The following SRP9 variants were observed in gnomAD, a reference collection of about 807,000 sequenced individuals.
SRP9 encodes the protein signal recognition particle 9.
A neutral mutation model predicts 11.7 loss-of-function variants in SRP9; 2 were observed. That is an observed-to-expected ratio of 0.17 (90% CI 0.07 to 0.54). The LOEUF is 0.54. Ranked by LOEUF, SRP9 falls within the 20% of genes least tolerant of loss-of-function variation. The pLI is 0.94. For missense variants in SRP9, 54 were observed against 108.1 expected (o/e 0.50, Z 2.22); for synonymous variants, 27 against 35.6 (o/e 0.76, Z 0.86).
chr1:225,784,774 G>A (rs1397802695), intron 2 of SRP9, among the ~76,000 whole-genome samples: 7 of 151,776 alleles, frequency 4.6e-5, no homozygotes, highest in Admixed American at 3.9e-4. Context: ...CCTGGGAGGT[G>A]GAGCTTGCAG....
intron 1 of SRP9, among the ~76,000 whole-genome samples, chr1:225,780,161 G>A (rs938429639): frequency 2.7e-5 from 4 of 147,196 alleles, no homozygotes; most frequent in African/African-American, 1.0e-4. Context: ...CTACAGACAT[G>A]CCACCATGCC....
chr1:225,782,113 A>G (rs1210178325), intron 1 of SRP9, among the ~76,000 whole-genome samples: 2 of 151,788 alleles, frequency 1.3e-5, no homozygotes, highest in Admixed American at 6.6e-5. Context: ...TTTTAAAATT[A>G]TGTTTCTGTT....
intron 2 of SRP9, chr1:225,786,765 T>G: frequency 8.4e-7 from 1 of 1,187,510 alleles, no homozygotes; most frequent in Non-Finnish European, 1.1e-6. Context: ...AAAAAATATA[T>G]GAAAGTATCT....
At chr1:225,780,500 A>G (rs1371406843) in intron 1 of SRP9, among the ~76,000 whole-genome samples, 2 of 152,144 alleles carry the variant, frequency 1.3e-5, no homozygotes, top group Non-Finnish European at 2.9e-5. Context: ...ATATGTTTAT[A>G]TGTTACAGGC....
intron 1 of SRP9, among the ~76,000 whole-genome samples, chr1:225,780,784 T>C (rs1400704771): frequency 6.6e-6 from 1 of 152,226 alleles, no homozygotes; most frequent in Non-Finnish European, 1.5e-5. Flanking sequence ...CTGTTGATTA[T>C]ACCCAGTATC....
chr1:225,778,936 C>T (rs1037253957), intron 1 of SRP9, among the ~76,000 whole-genome samples: 8 of 152,006 alleles, frequency 5.3e-5, no homozygotes, highest in African/African-American at 1.9e-4. Flanking sequence ...CATTCATTTC[C>T]CACTCTCGTG....
rs763628790 is a variant in SRP9, at chr1:225,789,156, C to G, written c.142-84C>G. The G allele has an allele frequency of 1.6e-4, 254 of 1,553,722 alleles. No individual in the cohort carries two copies. The Middle Eastern group carries it at 2.7e-3, about 16-fold the overall frequency. ...GCAAAACAGTGGTAGGAAAAACTCT[C>G]AAAATTTTACCCAATTGTATGTTTT... is the stretch of plus-strand genomic sequence containing the variant. On this transcript the variant is annotated intron_variant, in intron 2 of 2. Coordinates refer to ENST00000304786, the MANE Select transcript of SRP9 (RefSeq NM_003133.6).
In SRP9 at chr1:225,782,468, C is replaced by T. The variant is rs534304956; in HGVS notation, c.73-832C>T. ...CGTGAGCCACCGCGCCTGGCCGATA[C>T]TTAGCAGTTTTTAAAACAGCTAGCT... On this transcript the variant is annotated intron_variant, in intron 1 of 2. Coordinates refer to ENST00000304786, the MANE Select transcript of SRP9 (RefSeq NM_003133.6). Among the ~76,000 whole-genome samples, 45 of 152,226 alleles carry T rather than the reference C, an allele frequency of 3.0e-4. No individual in the cohort carries two copies. In the South Asian group the frequency reaches 8.9e-3, roughly 30 times the overall value.
intron 1 of SRP9, among the ~76,000 whole-genome samples, chr1:225,780,493 T>C (rs770691951): frequency 1.3e-5 from 2 of 152,172 alleles, no homozygotes; most frequent in Admixed American, 6.6e-5. Flanking sequence ...ATTTTACATA[T>C]GTTTATATGT....
chr1:225,784,243 T>A, intron 2 of SRP9, among the ~76,000 whole-genome samples: 1 of 111,148 alleles, frequency 9.0e-6, no homozygotes, highest in Non-Finnish European at 1.8e-5. Flanking sequence ...TTTTTTTTTT[T>A]TTTTTTTTTT....
intron 1 of SRP9, among the ~76,000 whole-genome samples, chr1:225,781,987 TTCAG>T (rs890589154): frequency 3.6e-4 from 55 of 152,220 alleles, no homozygotes; most frequent in African/African-American, 1.3e-3. Flanking sequence ...ACTTTTTTTT[TTCAG>T]TCTCAGGAAT....
intron 1 of SRP9, among the ~76,000 whole-genome samples, chr1:225,781,081 A>G (rs757722097): frequency 2.0e-5 from 3 of 152,166 alleles, no homozygotes; most frequent in Non-Finnish European, 4.4e-5. Context: ...ACCGGATTGT[A>G]TCCTTGTTCA....
chr1:225,788,724 A>T (rs567739468), intron 2 of SRP9, among the ~76,000 whole-genome samples: 1 of 152,188 alleles, frequency 6.6e-6, no homozygotes, highest in Non-Finnish European at 1.5e-5. Flanking sequence ...AAGAAAATCA[A>T]GATTTACCTG....
intron 2 of SRP9, chr1:225,786,962 C>A: frequency 2.0e-6 from 1 of 504,534 alleles, no homozygotes; most frequent in Non-Finnish European, 3.4e-6. Flanking sequence ...CTTGCTTCAG[C>A]CTCCTGAATA....
intron 2 of SRP9, among the ~76,000 whole-genome samples, chr1:225,787,656 G>A (rs1465175015): frequency 6.6e-6 from 1 of 151,996 alleles, no homozygotes; most frequent in Non-Finnish European, 1.5e-5. Context: ...TGTTAACTTC[G>A]ACTTTTTTAT....
At chr1:225,786,599 A>G (rs553575870) in intron 2 of SRP9, among the ~76,000 whole-genome samples, 5 of 152,330 alleles carry the variant, frequency 3.3e-5, no homozygotes, top group Non-Finnish European at 5.9e-5. Flanking sequence ...GTGGAAAAGG[A>G]AGAGTGAATC....
intron 1 of SRP9, among the ~76,000 whole-genome samples, chr1:225,782,707 A>T (rs1023427921): frequency 6.6e-6 from 1 of 152,218 alleles, no homozygotes; most frequent in African/African-American, 2.4e-5. Context: ...TTTTTGGAAA[A>T]GTTGTTGGTG....
intron 1 of SRP9, among the ~76,000 whole-genome samples, chr1:225,780,773 C>G (rs1665779043): frequency 6.6e-6 from 1 of 152,170 alleles, no homozygotes; most frequent in South Asian, 2.1e-4. Flanking sequence ...ACACATTTAA[C>G]CTGTTGATTA....
At chr1:225,779,612 A>T (rs561076449) in intron 1 of SRP9, among the ~76,000 whole-genome samples, 2 of 152,244 alleles carry the variant, frequency 1.3e-5, no homozygotes, top group Non-Finnish European at 2.9e-5. Context: ...TATGATTAAA[A>T]ATAGTATTAG....
Sources: gnomAD v4.1 joint callset for allele counts (sites outside exome capture counted in the v4.1 genomes callset) on GRCh38, gnomAD v4.1.1 for gene constraint, MANE v1.5 for transcripts, NCBI Gene and HGNC (gene_info 2026-07-23, HGNC 2026-07-21) for gene names.